The following WWOX variants were observed in gnomAD, a reference collection of about 807,000 sequenced individuals.
WWOX encodes the protein WW domain containing oxidoreductase.
A neutral mutation model predicts 46.2 loss-of-function variants in WWOX; 69 were observed. The observed-to-expected ratio is 1.49, with a 90% CI of 1.23 to 1.82. WWOX has a LOEUF of 1.82. Among genes scored for constraint, WWOX ranks in the 40% most tolerant of loss-of-function variants. WWOX has a pLI of 0.00. For missense variants in WWOX, 919 were observed against 542.6 expected, an observed-to-expected ratio of 1.69 and a Z score of -6.89; for synonymous variants, 359 against 202.6, an observed-to-expected ratio of 1.77 and a Z score of -6.56.
intron 8 of WWOX, among the ~76,000 whole-genome samples, chr16:79,088,286 G>T (rs775754451): frequency 6.6e-6 from 1 of 152,170 alleles, no homozygotes; most frequent in African/African-American, 2.4e-5. Context: ...AAGGGAGGAC[G>T]CAGAGCATTG....
At chr16:78,789,958 C>T (rs1303884312) in intron 8 of WWOX, among the ~76,000 whole-genome samples, 2 of 152,206 alleles carry the variant, frequency 1.3e-5, no homozygotes, top group Non-Finnish European at 2.9e-5. Flanking sequence ...TACTTCACCT[C>T]TCCAAGCCTC....
At chr16:79,202,836 A>G (rs568779378) in intron 8 of WWOX, 2 of 152,246 alleles carry the variant, frequency 1.3e-5, no homozygotes, top group Non-Finnish European at 2.9e-5. Flanking sequence ...ACATAGGGGA[A>G]GAGAAAGGCA....
At chr16:78,366,306 A>C (rs1006857456) in intron 5 of WWOX, among the ~76,000 whole-genome samples, 2 of 152,236 alleles carry the variant, frequency 1.3e-5, no homozygotes, top group Admixed American at 6.5e-5. Flanking sequence ...TTACAAGGCA[A>C]AGTGTTTAGA....
intron 8 of WWOX, among the ~76,000 whole-genome samples, chr16:78,505,042 C>T (rs193046998): frequency 6.6e-6 from 1 of 152,168 alleles, no homozygotes; most frequent in African/African-American, 2.4e-5. Flanking sequence ...ACAGTTCCTT[C>T]TCCTCCTCTA....
At chr16:78,142,010 A>C (rs1161465908) in intron 4 of WWOX, among the ~76,000 whole-genome samples, 1 of 146,834 alleles carries the variant, frequency 6.8e-6, no homozygotes. Context: ...TTTTTTTTTA[A>C]AGATGGTGCT....
At chr16:78,889,177 A>G (rs10492909) in intron 8 of WWOX, among the ~76,000 whole-genome samples, 32,453 of 152,162 alleles carry the variant, frequency 0.21, 3,571 homozygotes, top group African/African-American at 0.23. Context: ...AAGGATTCGT[A>G]CCAGGGATTG....
At chr16:78,810,756 C>G (rs115857345) in intron 8 of WWOX, among the ~76,000 whole-genome samples, 3 of 152,126 alleles carry the variant, frequency 2.0e-5, no homozygotes, top group Non-Finnish European at 4.4e-5. Context: ...GTAGGAATAA[C>G]TCTATGAAGA....
At chr16:78,509,896 C>T (rs1310673716) in intron 8 of WWOX, among the ~76,000 whole-genome samples, 1 of 149,300 alleles carries the variant, frequency 6.7e-6, no homozygotes, top group Admixed American at 6.8e-5. Flanking sequence ...GAAACCAGCC[C>T]AGGCAACATA....
intron 8 of WWOX, among the ~76,000 whole-genome samples, chr16:78,864,749 A>C (rs1457524659): frequency 1.5e-5 from 2 of 130,138 alleles, no homozygotes; most frequent in African/African-American, 3.0e-5. Context: ...ATTTTTCTCC[A>C]ACTCCTTTTT....
At chr16:78,248,184 C>CT (rs2037872102) in intron 5 of WWOX, among the ~76,000 whole-genome samples, 1 of 152,092 alleles carries the variant, frequency 6.6e-6, no homozygotes, top group Non-Finnish European at 1.5e-5. Flanking sequence ...AAGCATGATG[C>CT]TAGCATCTGC....
intron 8 of WWOX, among the ~76,000 whole-genome samples, chr16:78,532,405 A>G (rs1043538632): frequency 3.3e-5 from 5 of 152,146 alleles, no homozygotes; most frequent in African/African-American, 1.2e-4. Flanking sequence ...TGAAATGACC[A>G]TAGTAAGTTC....
At chr16:79,033,344 T>C (rs1290738441) in intron 8 of WWOX, among the ~76,000 whole-genome samples, 1 of 148,870 alleles carries the variant, frequency 6.7e-6, no homozygotes, top group East Asian at 1.9e-4. Flanking sequence ...ATATTACATA[T>C]ACATAATATA....
At chr16:78,460,950 C>T (rs545306392) in intron 8 of WWOX, among the ~76,000 whole-genome samples, 11 of 151,910 alleles carry the variant, frequency 7.2e-5, no homozygotes, top group Non-Finnish European at 1.0e-4. Flanking sequence ...ACAGGGGTAT[C>T]AGTAATGTTG....
At chr16:78,188,941 A>C (rs2035795205) in intron 5 of WWOX, among the ~76,000 whole-genome samples, 1 of 152,178 alleles carries the variant, frequency 6.6e-6, no homozygotes, top group Non-Finnish European at 1.5e-5. Context: ...AGCAGGGTAC[A>C]AGGAAAAGGG....
intron 8 of WWOX, among the ~76,000 whole-genome samples, chr16:79,143,339 A>G (rs2150719232): frequency 6.6e-6 from 1 of 152,296 alleles, no homozygotes; most frequent in South Asian, 2.1e-4. Flanking sequence ...TATTTAAATT[A>G]TTTGTTCTAT....
At chr16:79,121,721 C>A (rs2049635533) in intron 8 of WWOX, among the ~76,000 whole-genome samples, 1 of 152,096 alleles carries the variant, frequency 6.6e-6, no homozygotes, top group Non-Finnish European at 1.5e-5. Flanking sequence ...GGTGGCTTCC[C>A]ACAATTGCTG....
At chr16:79,101,160 A>G (rs1235097418) in intron 8 of WWOX, 8 of 152,242 alleles carry the variant, frequency 5.3e-5, no homozygotes. Context: ...AAAAGTCTCC[A>G]GAAATTGGCC....
At chr16:79,006,372 A>T (rs2047191189) in intron 8 of WWOX, among the ~76,000 whole-genome samples, 1 of 152,168 alleles carries the variant, frequency 6.6e-6, no homozygotes, top group African/African-American at 2.4e-5. Flanking sequence ...GCACCGGCAG[A>T]GGATGAAGAC....
At chr16:78,507,299 C>T (rs2085232677) in intron 8 of WWOX, among the ~76,000 whole-genome samples, 1 of 152,152 alleles carries the variant, frequency 6.6e-6, no homozygotes, top group African/African-American at 2.4e-5. Context: ...ACTTCACATT[C>T]AAAATGTAAA....
Sources: allele counts gnomAD v4.1 joint callset (sites outside exome capture counted in the v4.1 genomes callset), GRCh38; gene constraint gnomAD v4.1.1; transcripts MANE v1.5; gene names NCBI Gene and HGNC (gene_info 2026-07-23, HGNC 2026-07-21).